Variants in FZD3 observed in about 807,000 individuals in gnomAD.
FZD3 encodes the protein frizzled class receptor 3, also known as frizzled-3.
FZD3 carries 30 observed loss-of-function variants against 60.7 expected under a neutral mutation model. The observed-to-expected ratio is 0.49, with a 90% CI of 0.37 to 0.67. The LOEUF is 0.67. Among genes scored for constraint, FZD3 ranks in the 30% least tolerant of loss-of-function variants. The pLI is 0.00. For synonymous variants in FZD3, 246 were observed against 275.2 expected, an observed-to-expected ratio of 0.89 and a Z score of 1.05; for missense variants, 605 against 838.7, an observed-to-expected ratio of 0.72 and a Z score of 3.44.
Position 28,503,142 on chromosome 8 carries a change from T to C in FZD3, c.129T>C (p.Thr43=). The C allele has an allele frequency of 6.2e-7, 1 of 1,613,488 alleles. No homozygotes were observed. The highest frequency in any genetic ancestry group is 1.1e-5 in the South Asian group (1 of 91,074). ...TGTGCCAAGATTTGCCTTATAATAC[T>C]ACCTTCATGCCTAATCTTCTGAATC... ...LRMCQDLPYN[T]TFMPNLLNHY... Residue 43 remains threonine, a synonymous_variant, in exon 3 of 8, where the codon ACT becomes ACC. Transcript: ENST00000240093.
chr8:28,518,732 C>T (rs1282380036), intron 3 of FZD3, among the ~76,000 whole-genome samples: 3 of 152,160 alleles, frequency 2.0e-5, no homozygotes, highest in African/African-American at 7.2e-5. Context: ...CTCACAAGAC[C>T]ACCTACAGCT....
intron 4 of FZD3, among the ~76,000 whole-genome samples, chr8:28,526,690 G>A (rs974760372): frequency 1.2e-4 from 19 of 152,156 alleles, no homozygotes; most frequent in Non-Finnish European, 2.4e-4. Context: ...TGAAAGATTT[G>A]AAGATACAAA....
Position 28,568,614 on chromosome 8 carries a change from T to C in FZD3, c.*5603T>C, listed in dbSNP as rs1215984611. Reference sequence around the variant, plus strand: ...TTTCTATTTGGTTGATTTATAAAGATTTAATATATAAAGATTTAATATGAG... The same window carrying C: ...TTTCTATTTGGTTGATTTATAAAGACTTAATATATAAAGATTTAATATGAG... On this transcript the variant is annotated 3_prime_UTR_variant, in exon 8 of 8. Coordinates refer to ENST00000240093, the MANE Select transcript of FZD3 (RefSeq NM_017412.4). 2 of 152,140 alleles carry C rather than the reference T, an allele frequency of 1.3e-5. No individual in the cohort carries two copies. Among genetic ancestry groups the C allele is most frequent in the African/African-American group, 4.8e-5 (2 of 41,456 alleles). The allele number at this position is 152,140 out of a possible 1,614,324, so 9.4% of individuals were successfully genotyped here. A position where few individuals can be genotyped will look rare whatever the true frequency, so the allele number is the denominator to read the frequency against.
At chr8:28,518,104 A>G (rs1804480475) in intron 3 of FZD3, among the ~76,000 whole-genome samples, 1 of 152,106 alleles carries the variant, frequency 6.6e-6, no homozygotes, top group Non-Finnish European at 1.5e-5. Context: ...TGATGTGATC[A>G]TAGCTCACTG....
rs999167770 is a variant in FZD3 at position 28,573,472 on chromosome 8, AT to A, written c.*10462del. ...TGCCCCCTTTGCCCAAACCCATGTG[AT>A]GTCTGAAACTACTGTATATTTTCAA... is the stretch of plus-strand genomic sequence containing the variant. On this transcript the variant is annotated 3_prime_UTR_variant, in exon 8 of 8. Coordinates refer to ENST00000240093, the MANE Select transcript of FZD3 (RefSeq NM_017412.4). 1.3e-5 allele frequency: 2 copies of A among 151,886 alleles called. No individual in the cohort carries two copies. Among genetic ancestry groups the A allele is most frequent in the African/African-American group, 4.8e-5 (2 of 41,348 alleles). 9.4% of individuals were successfully genotyped at this position (151,886 alleles called of 1,614,324 possible). A position where few individuals can be genotyped will look rare whatever the true frequency, so the allele number is the denominator to read the frequency against.
intron 1 of FZD3, among the ~76,000 whole-genome samples, chr8:28,497,852 G>A (rs1473581290): frequency 6.6e-6 from 1 of 152,036 alleles, no homozygotes; most frequent in African/African-American, 2.4e-5. Flanking sequence ...GTTTCCCACC[G>A]AGTTCTTTGG....
rs1406157144 is a variant in FZD3 at position 28,563,668 on chromosome 8, G to A, written c.*657G>A. ...GATTAGCAGTGGAATAAAGAGATGG[G>A]CATTGTTTCCCCTATAATTGTGCTG... is the stretch of plus-strand genomic sequence containing the variant. On this transcript the variant is annotated 3_prime_UTR_variant, in exon 8 of 8. Transcript: ENST00000240093. 6.6e-6 allele frequency: 1 copy of A among 152,166 alleles called. No homozygotes were observed. Among genetic ancestry groups the A allele is most frequent in the East Asian group, 1.9e-4 (1 of 5,196 alleles). The allele number at this position is 152,166 out of a possible 1,614,324, so 9.4% of individuals were successfully genotyped here.
At position 28,527,865 on chromosome 8, in the gene FZD3, G is replaced by A; in HGVS notation, c.1105G>A (p.Asp369Asn). The A allele has an allele frequency of 6.2e-7, 1 of 1,614,108 alleles. No individual in the cohort carries two copies. The highest frequency in any genetic ancestry group is 8.5e-7 in the Non-Finnish European group (1 of 1,179,986). ...GVCFVGLYDV[D>N]ALRYFVLAPL... The stretch of plus-strand genomic sequence containing the variant: ...GTGTTTTGTTGGCCTCTACGATGTT[G>A]ATGCATTGAGATATTTTGTTCTTGC... The change falls in exon 5 of 8, where the codon GAT becomes AAT. Residue 369 changes from aspartate to asparagine, a missense_variant. Physicochemically the swap from Asp to Asn is conservative, Grantham distance 23 (BLOSUM62 1). Coordinates refer to ENST00000240093, the MANE Select transcript of FZD3 (RefSeq NM_017412.4). The surrounding 1 kb of genome is among the most constrained non-coding windows in gnomAD (Gnocchi z 5.0).
At chr8:28,522,212 C>T (rs997261864) in intron 4 of FZD3, among the ~76,000 whole-genome samples, 1 of 147,676 alleles carries the variant, frequency 6.8e-6, no homozygotes, top group Non-Finnish European at 1.5e-5. Flanking sequence ...TCAAGCGATT[C>T]TCCTGCCTTA....
intron 3 of FZD3, among the ~76,000 whole-genome samples, chr8:28,513,684 C>T (rs932288707): frequency 3.6e-4 from 54 of 152,106 alleles, no homozygotes; most frequent in Admixed American, 1.0e-3. Flanking sequence ...AATAATTTCT[C>T]ATTCTAAGGG....
chr8:28,565,278 G>C lies in FZD3; in HGVS notation c.*2267G>C, dbSNP rs1318475980. ...TTCATTGCCTTTCTCCTTGGAGCTG[G>C]AGTTAATGCTCAAAGCAGGCAGGTC... On this transcript the variant is annotated 3_prime_UTR_variant, in exon 8 of 8. Coordinates refer to ENST00000240093, the MANE Select transcript of FZD3 (RefSeq NM_017412.4). 3 of 152,098 alleles carry C rather than the reference G, an allele frequency of 2.0e-5. No individual in the cohort carries two copies. Among genetic ancestry groups the C allele is most frequent in the African/African-American group, 7.2e-5 (3 of 41,420 alleles). The allele number at this position is 152,098 out of a possible 1,614,324, so 9.4% of individuals were successfully genotyped here.
At chr8:28,562,173 G>A (rs1805624900) in intron 7 of FZD3, among the ~76,000 whole-genome samples, 2 of 152,156 alleles carry the variant, frequency 1.3e-5, no homozygotes, top group Non-Finnish European at 2.9e-5. Flanking sequence ...TTCCATGAAG[G>A]AGCATCTTCA....
intron 3 of FZD3, among the ~76,000 whole-genome samples, chr8:28,516,057 A>G (rs576004074): frequency 6.6e-6 from 1 of 152,190 alleles, no homozygotes; most frequent in East Asian, 1.9e-4. Flanking sequence ...TAGGCCTTTG[A>G]TAAATTTTGA....
chr8:28,521,613 C>A (rs192969411), intron 4 of FZD3, among the ~76,000 whole-genome samples: 1 of 152,086 alleles, frequency 6.6e-6, no homozygotes, highest in Non-Finnish European at 1.5e-5. Context: ...TTCTTTCCCC[C>A]CAAGGAGTGA....
rs1316122428 is a variant in FZD3, at chr8:28,528,159, T to C, written c.1399T>C (p.Tyr467His). The C allele has an allele frequency of 6.2e-7, 1 of 1,605,936 alleles. No homozygotes were observed. Among genetic ancestry groups the C allele is most frequent in the Admixed American group, 1.7e-5 (1 of 58,694 alleles). ...RCREYHIPCP[Y>H]QVTQMSRPDL... ...CAGAGAATATCACATTCCATGTCCA[T>C]ATCAGGTAAGGGAAACCTTGTTACA... Residue 467 changes from tyrosine (Y) to histidine (H), a missense_variant, in exon 5 of 8, where the codon TAT becomes CAT. Physicochemically the swap from Tyr to His is moderately conservative, Grantham distance 83. Transcript: ENST00000240093.
intron 5 of FZD3, among the ~76,000 whole-genome samples, chr8:28,542,275 G>C (rs992768767): frequency 2.8e-4 from 43 of 151,922 alleles, no homozygotes; most frequent in African/African-American, 8.7e-4. Context: ...TGTTATTGCT[G>C]TTTCTTCTGC....
intron 1 of FZD3, among the ~76,000 whole-genome samples, chr8:28,498,151 CTCT>C (rs1446616924): frequency 6.6e-6 from 1 of 152,162 alleles, no homozygotes; most frequent in East Asian, 1.9e-4. Context: ...TTCTGTATTG[CTCT>C]ATGGAGAAGT....
Position 28,527,446 on chromosome 8 carries a change from C to A in FZD3, c.686C>A (p.Thr229Lys). Residue 229 changes from threonine to lysine, a missense_variant, in exon 5 of 8, where the codon ACA becomes AAA. Transcript: ENST00000240093. This position sits in a 1 kb window ranked among gnomAD's most constrained non-coding sequence, Gnocchi z 5.0. The part of the protein sequence containing the change: ...FTFLTFLIDV[T>K]RFRYPERPII... ...TTTTTAACTTTTTTGATTGATGTCA[C>A]AAGATTCCGTTATCCTGAAAGGCCT... The A allele has an allele frequency of 6.2e-7, 1 of 1,613,374 alleles. No individual in the cohort carries two copies. The highest frequency in any genetic ancestry group is 8.5e-7 in the Non-Finnish European group (1 of 1,179,424).
At chr8:28,530,320 C>T (rs957779726) in intron 5 of FZD3, 1 of 152,052 alleles carries the variant, frequency 6.6e-6, no homozygotes, top group Non-Finnish European at 1.5e-5. Flanking sequence ...CCCTCTGCTT[C>T]AGTTCCTCAT....
Sources: gnomAD v4.1 joint callset for allele counts (sites outside exome capture counted in the v4.1 genomes callset) on GRCh38, gnomAD v4.1.1 for gene constraint, Gnocchi (gnomAD v3.1) non-coding constraint, MANE v1.5 for transcripts, NCBI Gene and HGNC (gene_info 2026-07-23, HGNC 2026-07-21) for gene names.